LINC00632: variants seen among roughly 807,000 people sequenced by gnomAD.
The protein encoded by LINC00632 is long independently transcribed non-coding RNA 632.
At chrX:140,761,355 G>A (rs6636113) in intron 3 of LINC00632, among the ~76,000 whole-genome samples, 41,988 of 111,170 alleles carry the variant, frequency 0.38, 6,216 homozygotes, top group East Asian at 0.72. Context: ...ACATCTTAGT[G>A]AGTACTGGAA....
At chrX:140,733,537 G>T (rs939699579) in intron 2 of LINC00632, among the ~76,000 whole-genome samples, 1 of 111,985 alleles carries the variant, frequency 8.9e-6, no homozygotes, top group East Asian at 2.8e-4. Context: ...GAAATGAAGG[G>T]CTTAGCCCAG....
exon 5 of LINC00632, among the ~76,000 whole-genome samples, chrX:140,785,846 A>C (rs1932011633): frequency 9.0e-6 from 1 of 111,693 alleles, no homozygotes. Flanking sequence ...TCCAGTTTGC[A>C]CCTTACTATG....
chrX:140,740,479 T>C, intron 3 of LINC00632, among the ~76,000 whole-genome samples: 1 of 111,186 alleles, frequency 9.0e-6, no homozygotes, highest in African/African-American at 3.3e-5. Context: ...CCAGGAATTA[T>C]GGCACATCCC....
chrX:140,762,015 T>C (rs2148397011), intron 3 of LINC00632, among the ~76,000 whole-genome samples: 1 of 111,987 alleles, frequency 8.9e-6, no homozygotes, highest in South Asian at 3.8e-4. Flanking sequence ...ACACTCAGTT[T>C]CTGCATCTGA....
At chrX:140,720,574 G>A (rs1326893877) in intron 2 of LINC00632, among the ~76,000 whole-genome samples, 1 of 111,955 alleles carries the variant, frequency 8.9e-6, no homozygotes, top group African/African-American at 3.2e-5. Flanking sequence ...GGACAATACA[G>A]ACACTTCTTA....
intron 2 of LINC00632, among the ~76,000 whole-genome samples, chrX:140,727,207 C>T (rs1930977932): frequency 9.0e-6 from 1 of 111,663 alleles, no homozygotes; most frequent in African/African-American, 3.3e-5. Flanking sequence ...ACACTAACCA[C>T]TCAACACCTA....
At position 140,765,790 on chromosome X, in the gene LINC00632, C is replaced by T. The variant is rs147692279; in HGVS notation, n.192-6288C>T. Among the ~76,000 whole-genome samples, 967 of 111,646 alleles carry T rather than the reference C, an allele frequency of 8.7e-3. 8 individuals carry two copies. The highest frequency in any genetic ancestry group is 0.029 in the African/African-American group (904 of 30,734). On this transcript the variant is annotated intron_variant and non_coding_transcript_variant, in intron 3 of 4. Transcript: ENST00000648200. ...ATCTTGAATTGTTTGCTGCTATTAC[C>T]GTTAAGGGAGGCGACAAGGGGGGCA...
At chrX:140,748,635 A>G (rs1034955217) in intron 3 of LINC00632, among the ~76,000 whole-genome samples, 14 of 110,548 alleles carry the variant, frequency 1.3e-4, no homozygotes, top group African/African-American at 4.3e-4. Flanking sequence ...TAACTCCACT[A>G]TTAACTAGTT....
At chrX:140,727,622 T>A (rs1930985630) in intron 2 of LINC00632, among the ~76,000 whole-genome samples, 1 of 110,721 alleles carries the variant, frequency 9.0e-6, no homozygotes, top group Non-Finnish European at 1.9e-5. Flanking sequence ...AGTGCAAAAA[T>A]TCACAAAATG....
At chrX:140,760,351 G>A (rs1422296995) in intron 3 of LINC00632, among the ~76,000 whole-genome samples, 1 of 112,147 alleles carries the variant, frequency 8.9e-6, no homozygotes, top group African/African-American at 3.2e-5. Context: ...TCAGAGGTGA[G>A]TGTGTTTACT....
chrX:140,737,781 T>C (rs1167737758), intron 3 of LINC00632, among the ~76,000 whole-genome samples: 2 of 112,000 alleles, frequency 1.8e-5, no homozygotes, highest in Non-Finnish European at 3.8e-5. Context: ...TCCATCCATG[T>C]TGCTGCAAAT....
intron 3 of LINC00632, among the ~76,000 whole-genome samples, chrX:140,768,598 TATAA>T (rs1395933553): frequency 4.1e-5 from 4 of 97,047 alleles, no homozygotes; most frequent in African/African-American, 7.5e-5. Flanking sequence ...ATTTATTATA[TATAA>T]ATATATATTT....
At chrX:140,710,752 T>A (rs1024169200) in intron 1 of LINC00632, among the ~76,000 whole-genome samples, 2 of 110,840 alleles carry the variant, frequency 1.8e-5, no homozygotes, top group African/African-American at 6.6e-5. Context: ...TTGAGTTAGA[T>A]GACAAAGCAG....
At position 140,714,834 on chromosome X, in the gene LINC00632, A is replaced by AAAT. The variant is rs1930593809; in HGVS notation, n.104+3180_104+3181insTAA. 1.3e-4 allele frequency: 3 copies of AAAT among 23,668 alleles called. No homozygotes were observed. In the South Asian group the frequency reaches 9.2e-3, roughly 73 times the overall value. 2.0% of individuals were successfully genotyped at this position (23,668 alleles called of 1,213,427 possible). On this transcript the variant is annotated intron_variant and non_coding_transcript_variant, in intron 2 of 4. Transcript: ENST00000648200. ...CAAAACTTTGCCTCAAAAAAAATAA[A>AAAT]AAAATAAAAAAAAAAACAACCCAGC...
At chrX:140,746,798 T>C (rs1235589001) in intron 3 of LINC00632, among the ~76,000 whole-genome samples, 1 of 112,143 alleles carries the variant, frequency 8.9e-6, no homozygotes, top group African/African-American at 3.2e-5. Context: ...TGTCCCATAT[T>C]TATGATTATG....
At chrX:140,786,136 T>C (rs982636486) in exon 5 of LINC00632, among the ~76,000 whole-genome samples, 2 of 112,023 alleles carry the variant, frequency 1.8e-5, no homozygotes, top group African/African-American at 6.5e-5. Context: ...TCTCTAAAGA[T>C]TTAAAATCCT....
rs190269105 is a variant in LINC00632 at position 140,731,554 on chromosome X, T to C, written n.105-2324T>C. ...CACTTATAAATTGGGGATGATGGTG[T>C]TCCCTGCCTTCGAGGCTGTTGTAAG... On this transcript the variant is annotated intron_variant and non_coding_transcript_variant, in intron 2 of 4. Transcript: ENST00000648200. 1.4e-4 allele frequency among the ~76,000 whole-genome samples: 16 copies of C among 111,917 alleles called. No homozygotes were observed. In the East Asian group the frequency reaches 4.2e-3, roughly 30 times the overall value.
At chrX:140,728,613 G>A (rs1159445777) in intron 2 of LINC00632, among the ~76,000 whole-genome samples, 1 of 111,265 alleles carries the variant, frequency 9.0e-6, no homozygotes, top group Non-Finnish European at 1.9e-5. Context: ...AGCCTACAGT[G>A]TACTTACCCC....
intron 2 of LINC00632, among the ~76,000 whole-genome samples, chrX:140,723,731 A>G (rs1930811986): frequency 0.012 from 1 of 84 alleles, no homozygotes; most frequent in African/African-American, 0.022. Flanking sequence ...CACACATTCC[A>G]AACACACACA....
Sources: gnomAD v4.1 joint callset for allele counts (sites outside exome capture counted in the v4.1 genomes callset) on GRCh38, gnomAD v4.1.1 for gene constraint, MANE v1.5 for transcripts, NCBI Gene and HGNC (gene_info 2026-07-23, HGNC 2026-07-21) for gene names.